Variants in SMYD4 observed in about 807,000 individuals in gnomAD.
The protein encoded by SMYD4 is SET and MYND domain containing 4, also known as protein-lysine N-methyltransferase SMYD4.
SMYD4 carries 68 observed loss-of-function variants against 72.8 expected under a neutral mutation model. That is an observed-to-expected ratio of 0.93 (90% CI 0.77 to 1.14). The LOEUF (loss-of-function observed/expected upper bound fraction) is 1.14, where lower values mean the gene tolerates loss of function less well. Among genes scored for constraint, SMYD4 ranks in the 50% most tolerant of loss-of-function variants. The pLI is 0.00. For synonymous variants in SMYD4, 407 were observed against 388.6 expected (o/e 1.05, Z -0.56); for missense variants, 984 against 1,003.7 (o/e 0.98, Z 0.27).
rs1567774641 is a variant in SMYD4 at position 1,799,863 on chromosome 17, G to A, written c.1531C>T (p.His511Tyr). Residue 511 changes from histidine (H) to tyrosine (Y), a missense_variant, in exon 5 of 11, where the codon CAC (histidine) becomes TAC (tyrosine). Coordinates refer to ENST00000305513, the MANE Select transcript of SMYD4 (RefSeq NM_052928.3). ...CNAQAMTTIQ[H>Y]TGPKGSIVTD... ...ACATCAGGTTCCCTCTTACCTGTGT[G>A]TTGTATGGTGGTCATCGCCTGAGCG... 1 of 1,593,504 alleles carries A rather than the reference G, an allele frequency of 6.3e-7. No individual in the cohort carries two copies. The highest frequency in any genetic ancestry group is 8.6e-7 in the Non-Finnish European group (1 of 1,167,232).
intron 2 of SMYD4, among the ~76,000 whole-genome samples, chr17:1,819,864 T>C (rs561726798): frequency 6.6e-6 from 1 of 152,174 alleles, no homozygotes; most frequent in East Asian, 1.9e-4. Context: ...CCTGGTTCAC[T>C]GCAACCTTCG....
intron 2 of SMYD4, among the ~76,000 whole-genome samples, chr17:1,815,234 T>C (rs1183184334): frequency 3.3e-5 from 5 of 152,070 alleles, no homozygotes; most frequent in African/African-American, 1.2e-4. Flanking sequence ...CAGCTAATTT[T>C]TGTATTTTTA....
intron 8 of SMYD4, 35 bp downstream of exon 8, chr17:1,784,291 G>A (rs748812645): frequency 1.2e-6 from 2 of 1,612,910 alleles, no homozygotes; most frequent in Non-Finnish European, 8.5e-7. Context: ...TAAAAGGGAA[G>A]GGGCTGGAGG....
chr17:1,809,541 ATT>A (rs1214215387), intron 3 of SMYD4, among the ~76,000 whole-genome samples: 1 of 141,190 alleles, frequency 7.1e-6, no homozygotes, highest in Non-Finnish European at 1.5e-5. Context: ...CGCCCAGCTA[ATT>A]TTTTTGTATT....
chr17:1,813,290 G>A (rs1910429594), intron 2 of SMYD4, among the ~76,000 whole-genome samples: 1 of 152,190 alleles, frequency 6.6e-6, no homozygotes, highest in South Asian at 2.1e-4. Context: ...TTTGAATCAA[G>A]GAGTATTCTC....
In SMYD4 at chr17:1,794,105, A is replaced by ATTTT. The variant is rs59420310; in HGVS notation, c.1537+5748_1537+5751dup. ...TGTATATATATATATATATATATATATTTTTTTTTTTTTTTTTTTTTTGAG... is the reference window on the plus strand; with the variant it reads ...TGTATATATATATATATATATATATATTTTTTTTTTTTTTTTTTTTTTTTTTGAG... On this transcript the variant is annotated intron_variant, in intron 5 of 10. Transcript: ENST00000305513. Among the ~76,000 whole-genome samples the ATTTT allele has an allele frequency of 2.5e-3, 33 of 12,990 alleles. 8 individuals are homozygous for ATTTT. The highest frequency in any genetic ancestry group is 3.9e-3 in the Non-Finnish European group (28 of 7,262). 8.5% of individuals were successfully genotyped at this position (12,990 alleles called of 152,430 possible). A position where few individuals can be genotyped will look rare whatever the true frequency, so the allele number is the denominator to read the frequency against.
chr17:1,822,521 T>C (rs756850576), intron 2 of SMYD4, among the ~76,000 whole-genome samples: 1 of 152,330 alleles, frequency 6.6e-6, no homozygotes, highest in Middle Eastern at 3.4e-3. Context: ...ATAAGCTATT[T>C]CAGAGCACAG....
chr17:1,786,686 A>C (rs369289628), intron 7 of SMYD4, 124 bp downstream of exon 7: 3 of 1,146,936 alleles, frequency 2.6e-6, no homozygotes, highest in Admixed American at 2.4e-5. Context: ...ACTGGCTAAA[A>C]TGGAGGTGAT....
intron 3 of SMYD4, among the ~76,000 whole-genome samples, chr17:1,811,152 G>A (rs1402410838): frequency 5.9e-5 from 9 of 152,210 alleles, no homozygotes; most frequent in African/African-American, 2.2e-4. Flanking sequence ...GGCTTCAACT[G>A]TAAACATTCA....
At position 1,800,803 on chromosome 17, in the gene SMYD4, C is replaced by T; in HGVS notation, c.591G>A (p.Lys197=). ...LQRNLHRLKM[K]MQEKDSLTES... ...CTGTGAGACTGTCCTTTTCTTGCAT[C>T]TTCATTTTCAGACGATGGAGGTTTC... The change falls in exon 5 of 11, where the codon AAG becomes AAA. Residue 197 remains lysine (K), a synonymous_variant. Coordinates refer to ENST00000305513, the MANE Select transcript of SMYD4 (RefSeq NM_052928.3). The T allele has an allele frequency of 6.2e-7, 1 of 1,614,188 alleles. No homozygotes were observed. Among genetic ancestry groups the T allele is most frequent in the Non-Finnish European group, 8.5e-7 (1 of 1,180,028 alleles).
chr17:1,822,853 C>T (rs1910963935), intron 2 of SMYD4, among the ~76,000 whole-genome samples: 1 of 152,110 alleles, frequency 6.6e-6, no homozygotes, highest in Admixed American at 6.6e-5. Flanking sequence ...TTCACAATAA[C>T]AACAAAAACC....
In SMYD4 at chr17:1,822,760, C is replaced by T. The variant is rs9892604; in HGVS notation, c.134+5101G>A. Among the ~76,000 whole-genome samples, 508 of 152,190 alleles carry T rather than the reference C, an allele frequency of 3.3e-3. 2 individuals carry two copies. Among genetic ancestry groups the T allele is most frequent in the African/African-American group, 0.011 (461 of 41,526 alleles). On this transcript the variant is annotated intron_variant, in intron 2 of 10. Coordinates refer to ENST00000305513, the MANE Select transcript of SMYD4 (RefSeq NM_052928.3). ...GATTACAGGTGTGAGCCACTGCACCCGGTCAGATGATTTAAAAACTCTTAC... is the reference window on the plus strand; with the variant it reads ...GATTACAGGTGTGAGCCACTGCACCTGGTCAGATGATTTAAAAACTCTTAC...
rs1026051742 is a variant in SMYD4 at position 1,809,667 on chromosome 17, G to A, written c.279+2304C>T. ...TGGGATTATAGGCGTGAGCCACCGC[G>A]CCCGGCCTATTATTATTGTTTTGAG... On this transcript the variant is annotated intron_variant, in intron 3 of 10. Coordinates refer to ENST00000305513, the MANE Select transcript of SMYD4 (RefSeq NM_052928.3). Among the ~76,000 whole-genome samples, 8 of 141,038 alleles carry A rather than the reference G, an allele frequency of 5.7e-5. No homozygotes were observed. The South Asian group carries it at 6.8e-4, about 12-fold the overall frequency. The allele number at this position is 141,038 out of a possible 152,430, so 92.5% of individuals were successfully genotyped here. A position where few individuals can be genotyped will look rare whatever the true frequency, so the allele number is the denominator to read the frequency against.
intron 5 of SMYD4, among the ~76,000 whole-genome samples, chr17:1,793,261 C>T (rs551319759): frequency 6.6e-6 from 1 of 151,724 alleles, no homozygotes; most frequent in South Asian, 2.1e-4. Context: ...TGTATAGTTG[C>T]TAGAGATATT....
Position 1,787,549 on chromosome 17 carries a change from G to T in SMYD4, c.1593C>A (p.Ile531=), listed in dbSNP as rs1338603572. ...DSRQVRLATG[I]FPVISLLNHS... ...GGTTCAGGAGGCTGATAACAGGGAA[G>T]ATGCCTGTGGCAAGGCGCACCTGCC... The change falls in exon 6 of 11, where the codon ATC becomes ATA. Residue 531 remains isoleucine, a synonymous_variant. Transcript: ENST00000305513. 6.3e-7 allele frequency: 1 copy of T among 1,595,622 alleles called. No individual in the cohort carries two copies. The highest frequency in any genetic ancestry group is 1.1e-5 in the South Asian group (1 of 87,604).
chr17:1,785,187 G>C (rs1435364958), intron 7 of SMYD4, among the ~76,000 whole-genome samples: 265 of 145,052 alleles, frequency 1.8e-3, no homozygotes, highest in Middle Eastern at 0.012. Flanking sequence ...CTTTGGGAGG[G>C]CGAGGCGGGT....
chr17:1,780,899 G>A lies in SMYD4; in HGVS notation c.*387C>T. ...GGCCTCCCAAAGTGCTGGGATTACA[G>A]GCTTGAGCCACCGCACCCGGCCTCT... is the stretch of plus-strand genomic sequence containing the variant. On this transcript the variant is annotated 3_prime_UTR_variant, in exon 11 of 11. Coordinates refer to ENST00000305513, the MANE Select transcript of SMYD4 (RefSeq NM_052928.3). 6.3e-6 allele frequency: 1 copy of A among 159,944 alleles called. No homozygotes were observed. Among genetic ancestry groups the A allele is most frequent in the Non-Finnish European group, 1.4e-5 (1 of 73,886 alleles). 9.9% of individuals were successfully genotyped at this position (159,944 alleles called of 1,614,324 possible).
chr17:1,799,938 T>A lies in SMYD4; in HGVS notation c.1456A>T (p.Thr486Ser). 2 of 1,613,942 alleles carry A rather than the reference T, an allele frequency of 1.2e-6. No homozygotes were observed. The highest frequency in any genetic ancestry group is 1.7e-6 in the Non-Finnish European group (2 of 1,179,954). The change falls in exon 5 of 11, where the codon ACT becomes TCT. Residue 486 changes from threonine to serine, a missense_variant. Thr to Ser is a moderately conservative substitution (Grantham distance 58, BLOSUM62 1). Coordinates refer to ENST00000305513, the MANE Select transcript of SMYD4 (RefSeq NM_052928.3). ...AVTPELCPDV[T>S]IWGVAMLRHM... ...CTCAGCATCGCCACTCCCCAAATAG[T>A]CACGTCAGGACACAATTCAGGTGTC...
At position 1,799,662 on chromosome 17, in the gene SMYD4, C is replaced by T. The variant is rs145651853; in HGVS notation, c.1537+195G>A. 7.3e-4 allele frequency among the ~76,000 whole-genome samples: 111 copies of T among 152,202 alleles called. 1 individual carries two copies. The highest frequency in any genetic ancestry group is 2.4e-3 in the African/African-American group (98 of 41,544). On this transcript the variant is annotated intron_variant, in intron 5 of 10. Coordinates refer to ENST00000305513, the MANE Select transcript of SMYD4 (RefSeq NM_052928.3). The stretch of plus-strand genomic sequence containing the variant: ...GTGCTGGGATTATAGGAGTGGGCCA[C>T]CACGCCTGGCAGGATCAAATAATTT...
Sources: gnomAD v4.1 joint callset for allele counts (sites outside exome capture counted in the v4.1 genomes callset) on GRCh38, gnomAD v4.1.1 for gene constraint, MANE v1.5 for transcripts, NCBI Gene and HGNC (gene_info 2026-07-23, HGNC 2026-07-21) for gene names.